LPL: variants seen among roughly 807,000 people sequenced by gnomAD.
LPL encodes lipoprotein lipase.
A neutral mutation model predicts 52.2 loss-of-function variants in LPL; 43 were observed. The ratio of observed to expected loss-of-function variants is 0.82; its 90% CI spans 0.64 to 1.06. LPL has a LOEUF of 1.06. LPL is among the 50% of genes least tolerant of loss of function. The pLI, the probability that LPL is intolerant of heterozygous loss-of-function variation, is 0.00. For synonymous variants in LPL, 244 were observed against 215.6 expected (o/e 1.13, Z -1.15); for missense variants, 639 against 585.3 (o/e 1.09, Z -0.95).
Position 19,939,342 on chromosome 8 carries a change from C to CTTT in LPL, c.-99_-98insTTT. On this transcript the variant is annotated 5_prime_UTR_variant, in exon 1 of 10. Transcript: ENST00000650287. The surrounding 1 kb of genome is among the most constrained non-coding windows in gnomAD (Gnocchi z 4.0). ...CATCCCCTTTAAAGGGCGACTTGCT[C>CTTT]AGCGCCAAACCGCGGCTCCAGCCCT... is the stretch of plus-strand genomic sequence containing the variant. The CTTT allele has an allele frequency of 8.5e-7, 1 of 1,182,774 alleles. No individual in the cohort carries two copies. The highest frequency in any genetic ancestry group is 1.2e-6 in the Non-Finnish European group (1 of 821,954). The allele number at this position is 1,182,774 out of a possible 1,614,324, so 73.3% of individuals were successfully genotyped here.
rs904476974 is a variant in LPL, at chr8:19,944,357, T to C, written c.89-3823T>C. 1.3e-5 allele frequency among the ~76,000 whole-genome samples: 2 copies of C among 151,002 alleles called. No homozygotes were observed. The highest frequency in any genetic ancestry group is 4.9e-5 in the African/African-American group (2 of 40,954). The stretch of plus-strand genomic sequence containing the variant: ...CAGTAATTCACTTTGTTCTTCGATA[T>C]CCTACAGACACTGCCTGAGTCGATA... On this transcript the variant is annotated intron_variant, in intron 1 of 9. Coordinates refer to ENST00000650287, the MANE Select transcript of LPL (RefSeq NM_000237.3). This position sits in a 1 kb window ranked among gnomAD's most constrained non-coding sequence, Gnocchi z 4.2.
chr8:19,957,991 T>C (rs2070002232), intron 6 of LPL, among the ~76,000 whole-genome samples: 1 of 39,502 alleles, frequency 2.5e-5, no homozygotes, highest in Non-Finnish European at 5.0e-5. Context: ...AGAATTATTT[T>C]ATTTATTTAT....
intron 2 of LPL, among the ~76,000 whole-genome samples, chr8:19,949,246 C>T (rs2069910815): frequency 6.6e-6 from 1 of 152,082 alleles, no homozygotes. Context: ...CTAAAAATAA[C>T]ATTCATCTAG....
In LPL at chr8:19,939,646, C is replaced by G. The variant is rs1324566386; in HGVS notation, c.88+118C>G. ...GGCGGTGGATGCGCCCAGGGACTCT[C>G]CCAGCCTGGGCTCTAGCCCCGAAAC... On this transcript the variant is annotated intron_variant, in intron 1 of 9. Coordinates refer to ENST00000650287, the MANE Select transcript of LPL (RefSeq NM_000237.3). The surrounding 1 kb of genome is among the most constrained non-coding windows in gnomAD (Gnocchi z 4.0). 1 of 1,056,634 alleles carries G rather than the reference C, an allele frequency of 9.5e-7. No individual in the cohort carries two copies. The highest frequency in any genetic ancestry group is 2.1e-5 in the Admixed American group (1 of 46,876). 65.5% of individuals were successfully genotyped at this position (1,056,634 alleles called of 1,614,324 possible).
At chr8:19,962,371 T>C (rs1298843390) in intron 9 of LPL, 152 bp downstream of exon 9, 3 of 697,574 alleles carry the variant, frequency 4.3e-6, no homozygotes, top group Non-Finnish European at 7.9e-6. Flanking sequence ...CTTCTGCATA[T>C]GTATCAAATG....
chr8:19,941,660 C>T (rs1218801055), intron 1 of LPL, among the ~76,000 whole-genome samples: 1 of 152,210 alleles, frequency 6.6e-6, no homozygotes, highest in African/African-American at 2.4e-5. Flanking sequence ...TTTCACTCTA[C>T]TCACCCAATA....
chr8:19,964,954 A>C (rs1253301915), intron 9 of LPL, among the ~76,000 whole-genome samples: 1 of 152,194 alleles, frequency 6.6e-6, no homozygotes, highest in African/African-American at 2.4e-5. Flanking sequence ...TCTTTCTCAC[A>C]CCTTCTGCTA....
rs2128837017 is a variant in LPL at position 19,948,283 on chromosome 8, G to A, written c.192G>A (p.Val64=). 3 of 1,614,124 alleles carry A rather than the reference G, an allele frequency of 1.9e-6. No individual in the cohort carries two copies. The highest frequency in any genetic ancestry group is 1.3e-5 in the African/African-American group (1 of 75,016). The change falls in exon 2 of 10, where the codon GTG becomes GTA. Residue 64 remains valine, a synonymous_variant. Transcript: ENST00000650287. ...CHLIPGVAES[V]ATCHFNHSSK... is the part of the protein sequence containing the mutation. ...TCATTCCCGGAGTAGCAGAGTCCGT[G>A]GCTACCTGTCATTTCAATCACAGCA...
At chr8:19,954,935 C>T (rs1042712743) in intron 5 of LPL, among the ~76,000 whole-genome samples, 1 of 152,116 alleles carries the variant, frequency 6.6e-6, no homozygotes, top group South Asian at 2.1e-4. Flanking sequence ...AACTCCTGGC[C>T]TCAAGTGATC....
intron 2 of LPL, chr8:19,951,567 A>G (rs2069934370): frequency 1.5e-6 from 1 of 673,108 alleles, no homozygotes. Flanking sequence ...AACTCAACTC[A>G]ATGCCTTCCT....
At chr8:19,960,482 A>G (rs1314817469) in intron 7 of LPL, among the ~76,000 whole-genome samples, 1 of 152,196 alleles carries the variant, frequency 6.6e-6, no homozygotes, top group Non-Finnish European at 1.5e-5. Context: ...TAAAAACTAT[A>G]ATTGTAGGAA....
At chr8:19,963,459 T>C (rs2070058273) in intron 9 of LPL, among the ~76,000 whole-genome samples, 1 of 151,328 alleles carries the variant, frequency 6.6e-6, no homozygotes, top group Non-Finnish European at 1.5e-5. Flanking sequence ...ACATGCCTAT[T>C]AGGAAAAGTA....
Position 19,961,077 on chromosome 8 carries a change from A to G in LPL, c.1316A>G (p.Gln439Arg). 1 of 1,614,020 alleles carries G rather than the reference A, an allele frequency of 6.2e-7. No homozygotes were observed. Among genetic ancestry groups the G allele is most frequent in the Non-Finnish European group, 8.5e-7 (1 of 1,180,022 alleles). ...QKIRVKAGET[Q>R]KKVIFCSREK... ...ATCAGAGTAAAAGCAGGAGAGACTCAGAAAAAGTAATTAAATGTATTTTTC... is the reference window on the plus strand; with the variant it reads ...ATCAGAGTAAAAGCAGGAGAGACTCGGAAAAAGTAATTAAATGTATTTTTC... The change falls in exon 8 of 10, where the codon CAG (glutamine) becomes CGG (arginine). Residue 439 changes from glutamine (Q) to arginine (R), a missense_variant. Gln to Arg is a conservative substitution (Grantham distance 43). Coordinates refer to ENST00000650287, the MANE Select transcript of LPL (RefSeq NM_000237.3).
intron 6 of LPL, among the ~76,000 whole-genome samples, chr8:19,958,409 A>G (rs1248970584): frequency 6.6e-6 from 1 of 151,974 alleles, no homozygotes; most frequent in African/African-American, 2.4e-5. Context: ...CCATTTGCTC[A>G]GGGTTTTTGG....
At chr8:19,949,870 T>C (rs1266347565) in intron 2 of LPL, among the ~76,000 whole-genome samples, 2 of 152,234 alleles carry the variant, frequency 1.3e-5, no homozygotes, top group Non-Finnish European at 2.9e-5. Context: ...AATAAACGCA[T>C]TTATACAACA....
chr8:19,939,340 C>A lies in LPL; in HGVS notation c.-101C>A. 2 of 1,159,806 alleles carry A rather than the reference C, an allele frequency of 1.7e-6. No homozygotes were observed. Among genetic ancestry groups the A allele is most frequent in the Non-Finnish European group, 2.5e-6 (2 of 801,342 alleles). 71.8% of individuals were successfully genotyped at this position (1,159,806 alleles called of 1,614,324 possible). ...GCCATCCCCTTTAAAGGGCGACTTGCTCAGCGCCAAACCGCGGCTCCAGCC... is the reference window on the plus strand; with the variant it reads ...GCCATCCCCTTTAAAGGGCGACTTGATCAGCGCCAAACCGCGGCTCCAGCC... On this transcript the variant is annotated 5_prime_UTR_variant, in exon 1 of 10. Transcript: ENST00000650287. The surrounding 1 kb of genome is among the most constrained non-coding windows in gnomAD (Gnocchi z 4.0).
At position 19,962,098 on chromosome 8, in the gene LPL, T is replaced by C. The variant is rs1253177266; in HGVS notation, c.1323-17T>C. On this transcript the variant is annotated splice_polypyrimidine_tract_variant and intron_variant, in intron 8 of 9. Transcript: ENST00000650287. ...GATTGTTCTACATGGCATATTCACA[T>C]CCATTTTCTTCCACAGGGTGATCTT... is the stretch of plus-strand genomic sequence containing the variant. 6.5e-6 allele frequency: 10 copies of C among 1,546,006 alleles called. No individual in the cohort carries two copies. The highest frequency in any genetic ancestry group is 8.9e-6 in the Non-Finnish European group (10 of 1,118,054).
At position 19,944,754 on chromosome 8, in the gene LPL, C is replaced by T. The variant is rs1177761955; in HGVS notation, c.89-3426C>T. ...ATCTATGTTAGAATAAATTCTTTGT[C>T]TTTGTTTACACACTCAGATTTGTAG... On this transcript the variant is annotated intron_variant, in intron 1 of 9. Transcript: ENST00000650287. This position sits in a 1 kb window ranked among gnomAD's most constrained non-coding sequence, Gnocchi z 4.2. 1.3e-5 allele frequency among the ~76,000 whole-genome samples: 2 copies of T among 152,122 alleles called. No individual in the cohort carries two copies. Among genetic ancestry groups the T allele is most frequent in the African/African-American group, 4.8e-5 (2 of 41,428 alleles).
intron 2 of LPL, chr8:19,948,601 G>T: frequency 4.4e-6 from 2 of 456,934 alleles, no homozygotes; most frequent in Non-Finnish European, 7.9e-6. Flanking sequence ...GGTTGGTAAA[G>T]GATGCTCTGC....
Sources: allele counts gnomAD v4.1 joint callset (sites outside exome capture counted in the v4.1 genomes callset), GRCh38; gene constraint gnomAD v4.1.1; non-coding constraint Gnocchi (gnomAD v3.1); transcripts MANE v1.5; gene names NCBI Gene and HGNC (gene_info 2026-07-23, HGNC 2026-07-21).